The following GRM5 variants were observed in gnomAD, a reference collection of about 807,000 sequenced individuals.
GRM5 encodes the protein glutamate metabotropic receptor 5.
Under a neutral mutation model 83.1 loss-of-function variants are expected in GRM5, and 19 were observed. The observed-to-expected ratio is 0.23, with a 90% CI of 0.16 to 0.34. The LOEUF is 0.34. Ranked by LOEUF, GRM5 falls within the 10% of genes least tolerant of loss-of-function variation. GRM5 has a pLI of 1.00. For synonymous variants in GRM5, 675 were observed against 633.6 expected (o/e 1.07, Z -0.98); for missense variants, 1,160 against 1,588.3 (o/e 0.73, Z 4.58).
chr11:88,539,750 G>C (rs1942221192), intron 8 of GRM5, among the ~76,000 whole-genome samples: 1 of 152,082 alleles, frequency 6.6e-6, no homozygotes, highest in South Asian at 2.1e-4. Flanking sequence ...ATCTGGATCT[G>C]TCTGCTCCCA....
At chr11:88,962,642 CT>C (rs1226349640) in intron 2 of GRM5, among the ~76,000 whole-genome samples, 9 of 152,090 alleles carry the variant, frequency 5.9e-5, no homozygotes, top group Non-Finnish European at 1.2e-4. Context: ...TAAGTATCTT[CT>C]TTGTAGCAAA....
intron 7 of GRM5, among the ~76,000 whole-genome samples, chr11:88,577,443 C>T (rs1446441175): frequency 6.6e-6 from 1 of 152,128 alleles, no homozygotes; most frequent in African/African-American, 2.4e-5. Flanking sequence ...ACAGCTACAG[C>T]ATTTCACTCT....
intron 3 of GRM5, among the ~76,000 whole-genome samples, chr11:88,725,749 C>T (rs1941664257): frequency 6.6e-6 from 1 of 152,164 alleles, no homozygotes; most frequent in Admixed American, 6.5e-5. Flanking sequence ...CAAACAGGGC[C>T]TGGAGTGGAC....
At chr11:88,979,085 T>G (rs1203161835) in intron 2 of GRM5, among the ~76,000 whole-genome samples, 1 of 152,198 alleles carries the variant, frequency 6.6e-6, no homozygotes, top group Non-Finnish European at 1.5e-5. Context: ...GCAATGCAGT[T>G]TCATTCCTGA....
At chr11:88,791,815 G>T (rs902960227) in intron 3 of GRM5, among the ~76,000 whole-genome samples, 4 of 152,006 alleles carry the variant, frequency 2.6e-5, no homozygotes, top group Non-Finnish European at 5.9e-5. Flanking sequence ...CTAGTTAGAG[G>T]TTTATATTCT....
intron 4 of GRM5, among the ~76,000 whole-genome samples, chr11:88,634,416 A>G (rs2135276267): frequency 6.6e-6 from 1 of 152,220 alleles, no homozygotes; most frequent in South Asian, 2.1e-4. Context: ...GTATAGCTGC[A>G]CAAAATATTT....
intron 4 of GRM5, among the ~76,000 whole-genome samples, chr11:88,624,299 A>G (rs944342729): frequency 1.3e-5 from 2 of 152,222 alleles, no homozygotes; most frequent in East Asian, 1.9e-4. Context: ...ATACCTTCCC[A>G]TTATCTGTGA....
intron 3 of GRM5, among the ~76,000 whole-genome samples, chr11:88,686,994 T>C (rs946789550): frequency 3.9e-5 from 6 of 152,140 alleles, no homozygotes; most frequent in African/African-American, 1.4e-4. Context: ...TCAGGCTGAC[T>C]AGAAATGTTA....
intron 2 of GRM5, among the ~76,000 whole-genome samples, chr11:88,958,118 C>T (rs1295789934): frequency 6.6e-6 from 1 of 151,852 alleles, no homozygotes; most frequent in Non-Finnish European, 1.5e-5. Context: ...CCTATGCCCT[C>T]CAGCCACCAG....
intron 2 of GRM5, among the ~76,000 whole-genome samples, chr11:88,979,399 T>C (rs1324065504): frequency 6.6e-6 from 1 of 152,248 alleles, no homozygotes; most frequent in East Asian, 1.9e-4. Flanking sequence ...ATTTATTCTC[T>C]AACTTACATA....
intron 8 of GRM5, among the ~76,000 whole-genome samples, chr11:88,552,544 C>T (rs561940715): frequency 6.6e-6 from 1 of 152,128 alleles, no homozygotes; most frequent in Non-Finnish European, 1.5e-5. Context: ...TATTGCTACA[C>T]AAGCTGAGTG....
chr11:88,879,727 A>G (rs1280347221), intron 2 of GRM5, among the ~76,000 whole-genome samples: 2 of 151,950 alleles, frequency 1.3e-5, no homozygotes, highest in East Asian at 3.9e-4. Context: ...ATTTTATCTA[A>G]CTTTCATCTA....
chr11:89,026,694 A>G (rs1296418040), intron 2 of GRM5, among the ~76,000 whole-genome samples: 1 of 152,212 alleles, frequency 6.6e-6, no homozygotes, highest in Non-Finnish European at 1.5e-5. Flanking sequence ...GCAATCTACT[A>G]TTATTTCTCA....
At chr11:88,806,176 T>G (rs1446044573) in intron 3 of GRM5, among the ~76,000 whole-genome samples, 2 of 152,184 alleles carry the variant, frequency 1.3e-5, no homozygotes, top group African/African-American at 2.4e-5. Context: ...TCTATGGACC[T>G]CTATTAAACA....
intron 1 of GRM5, among the ~76,000 whole-genome samples, chr11:89,056,676 G>A (rs1355221207): frequency 6.6e-6 from 1 of 152,040 alleles, no homozygotes. Flanking sequence ...TAATGGGGAG[G>A]CATTAATTCT....
intron 2 of GRM5, among the ~76,000 whole-genome samples, chr11:88,971,807 T>C (rs1939172182): frequency 6.6e-6 from 1 of 152,102 alleles, no homozygotes; most frequent in East Asian, 1.9e-4. Flanking sequence ...GGAGCACATA[T>C]AGTGTCCTAT....
At chr11:88,709,832 A>G (rs937809925) in intron 3 of GRM5, among the ~76,000 whole-genome samples, 9 of 152,118 alleles carry the variant, frequency 5.9e-5, no homozygotes, top group African/African-American at 1.7e-4. Context: ...CTCTCTCTTC[A>G]CAAACATGCA....
intron 2 of GRM5, among the ~76,000 whole-genome samples, chr11:88,977,362 G>T (rs1334801673): frequency 2.0e-5 from 3 of 151,816 alleles, no homozygotes; most frequent in African/African-American, 7.3e-5. Context: ...ACAGGCGCCC[G>T]CCACCACACC....
At chr11:89,005,964 A>G (rs189069297) in intron 2 of GRM5, among the ~76,000 whole-genome samples, 7 of 152,354 alleles carry the variant, frequency 4.6e-5, no homozygotes, top group African/African-American at 1.7e-4. Context: ...AAAATGTGCT[A>G]TGAAAGCACA....
Sources: allele counts gnomAD v4.1 joint callset (sites outside exome capture counted in the v4.1 genomes callset), GRCh38; gene constraint gnomAD v4.1.1; transcripts MANE v1.5; gene names NCBI Gene and HGNC (gene_info 2026-07-23, HGNC 2026-07-21).